Variants in NEMP2 observed in about 807,000 individuals in gnomAD.
The protein encoded by NEMP2 is UPF0571 transmembrane protein.
In NEMP2, 53 loss-of-function variants were observed where a neutral mutation model predicts 54.2. That is an observed-to-expected ratio of 0.98 (90% CI 0.78 to 1.23). NEMP2 has a LOEUF of 1.23. Among genes scored for constraint, NEMP2 ranks in the 50% most tolerant of loss-of-function variants. The pLI is 0.00. For synonymous variants in NEMP2, 197 were observed against 190.3 expected (o/e 1.04, Z -0.29); for missense variants, 455 against 511.3 (o/e 0.89, Z 1.06).
chr2:190,534,153 C>G (rs1297619415), intron 1 of NEMP2: 1 of 1,003,434 alleles, frequency 1.0e-6, no homozygotes, highest in Non-Finnish European at 1.2e-6. Context: ...AGTGAAATAA[C>G]AAGGATTTCA....
chr2:190,437,094 C>T, the NEMP2 span: 38 of 1,614,070 alleles, frequency 2.4e-5, no homozygotes, highest in Non-Finnish European at 3.0e-5. This position sits in a 1 kb window ranked among gnomAD's most constrained non-coding sequence, Gnocchi z 5.9. Context: ...AAGTGCTCAT[C>T]GATGGAAAGG....
At chr2:190,547,852 CT>C in the NEMP2 span, among the ~76,000 whole-genome samples, 1 of 151,902 alleles carries the variant, frequency 6.6e-6, no homozygotes, top group Non-Finnish European at 1.5e-5. This position sits in a 1 kb window ranked among gnomAD's most constrained non-coding sequence, Gnocchi z 6.2. Context: ...ACTTCTTATT[CT>C]TATAATAAAA....
At chr2:190,578,636 G>A in the NEMP2 span, among the ~76,000 whole-genome samples, 20 of 152,224 alleles carry the variant, frequency 1.3e-4, no homozygotes, top group East Asian at 2.3e-3. The surrounding 1 kb of genome is among the most constrained non-coding windows in gnomAD (Gnocchi z 4.4). Context: ...CTGCCTGGGC[G>A]TGTATCTGAG....
the NEMP2 span, among the ~76,000 whole-genome samples, chr2:190,576,663 T>G: frequency 2.0e-5 from 3 of 152,158 alleles, no homozygotes; most frequent in Non-Finnish European, 4.4e-5. Context: ...TCTCCACTTG[T>G]GCTGTGCTGA....
chr2:190,555,433 A>G, the NEMP2 span, among the ~76,000 whole-genome samples: 1 of 152,064 alleles, frequency 6.6e-6, no homozygotes, highest in South Asian at 2.1e-4. The surrounding 1 kb of genome is among the most constrained non-coding windows in gnomAD (Gnocchi z 4.8). Flanking sequence ...AAAAAAGGTT[A>G]GAAGAATTGC....
chr2:190,596,091 C>A, the NEMP2 span, among the ~76,000 whole-genome samples: 1 of 152,158 alleles, frequency 6.6e-6, no homozygotes, highest in Admixed American at 6.5e-5. The surrounding 1 kb of genome is among the most constrained non-coding windows in gnomAD (Gnocchi z 5.1). Context: ...GAGTTCATGT[C>A]TTTTGTAGGG....
rs1691223152 is a variant in NEMP2 at position 190,533,328 on chromosome 2, A to G, written c.97+1231T>C. Among the ~76,000 whole-genome samples the G allele has an allele frequency of 6.6e-6, 1 of 152,194 alleles. No homozygotes were observed. The highest frequency in any genetic ancestry group is 1.5e-5 in the Non-Finnish European group (1 of 68,034). ...CAGATTTGTGTTTTATTTTTTCACCAGCATAAAATTGTTGTATTTCTTACT... is the reference window on the plus strand; with the variant it reads ...CAGATTTGTGTTTTATTTTTTCACCGGCATAAAATTGTTGTATTTCTTACT... On this transcript the variant is annotated intron_variant, in intron 1 of 8. Coordinates refer to ENST00000409150, the MANE Select transcript of NEMP2 (RefSeq NM_001142645.2). This position sits in a 1 kb window ranked among gnomAD's most constrained non-coding sequence, Gnocchi z 4.3.
At chr2:190,552,195 C>A in the NEMP2 span, among the ~76,000 whole-genome samples, 2 of 152,176 alleles carry the variant, frequency 1.3e-5, no homozygotes, top group Non-Finnish European at 2.9e-5. Context: ...CAAAGTCTGT[C>A]AAGTTTCATT....
chr2:190,592,133 G>A, the NEMP2 span, among the ~76,000 whole-genome samples: 3 of 152,106 alleles, frequency 2.0e-5, no homozygotes, highest in African/African-American at 7.2e-5. This position sits in a 1 kb window ranked among gnomAD's most constrained non-coding sequence, Gnocchi z 4.4. Context: ...GGTGCAGGGG[G>A]GAAAAGTAAG....
At chr2:190,432,600 A>G in the NEMP2 span, among the ~76,000 whole-genome samples, 1 of 152,100 alleles carries the variant, frequency 6.6e-6, no homozygotes, top group Non-Finnish European at 1.5e-5. Flanking sequence ...TATTTTTAGT[A>G]GAGACAGGGT....
At chr2:190,560,971 G>A in the NEMP2 span, among the ~76,000 whole-genome samples, 1 of 152,174 alleles carries the variant, frequency 6.6e-6, no homozygotes, top group Non-Finnish European at 1.5e-5. This position sits in a 1 kb window ranked among gnomAD's most constrained non-coding sequence, Gnocchi z 5.4. Context: ...AACCATTTAT[G>A]TTTTGAGAAA....
the NEMP2 span, among the ~76,000 whole-genome samples, chr2:190,639,649 GTTTT>G: frequency 1.6e-5 from 2 of 128,124 alleles, no homozygotes; most frequent in Admixed American, 1.6e-4. Flanking sequence ...TTTTTTTTTT[GTTTT>G]TTGTTTTTGT....
At chr2:190,549,403 A>G in the NEMP2 span, among the ~76,000 whole-genome samples, 4 of 152,326 alleles carry the variant, frequency 2.6e-5, no homozygotes, top group South Asian at 4.1e-4. Context: ...TTATAAGGAA[A>G]TGGATCTCCT....
rs2125293150 is a variant in NEMP2 at position 190,504,557 on chromosome 2, T to C, written c.*4632A>G. ...TGAAGAGGATGGAAAAAAGTGATGA[T>C]GGTGACAATTCCATAAAGTGCAAAA... On this transcript the variant is annotated 3_prime_UTR_variant, in exon 9 of 9. Coordinates refer to ENST00000409150, the MANE Select transcript of NEMP2 (RefSeq NM_001142645.2). This position sits in a 1 kb window ranked among gnomAD's most constrained non-coding sequence, Gnocchi z 5.6. 1 of 152,304 alleles carries C rather than the reference T, an allele frequency of 6.6e-6. No individual in the cohort carries two copies. The highest frequency in any genetic ancestry group is 1.9e-4 in the East Asian group (1 of 5,186). The allele number at this position is 152,304 out of a possible 1,614,324, so 9.4% of individuals were successfully genotyped here.
At chr2:190,431,032 G>A in the NEMP2 span, among the ~76,000 whole-genome samples, 1 of 116,030 alleles carries the variant, frequency 8.6e-6, no homozygotes, top group Admixed American at 8.6e-5. This position sits in a 1 kb window ranked among gnomAD's most constrained non-coding sequence, Gnocchi z 4.4. Flanking sequence ...AGACGGGGTC[G>A]CGGCCGGGCA....
rs1009106046 is a variant in NEMP2 at position 190,519,674 on chromosome 2, T to C, written c.214-491A>G. ...ATCTGTATTTAGTCCAAACACACGC[T>C]GAACCACAGACATTATTGAAAGTGA... On this transcript the variant is annotated intron_variant, in intron 2 of 8. Coordinates refer to ENST00000409150, the MANE Select transcript of NEMP2 (RefSeq NM_001142645.2). The surrounding 1 kb of genome is among the most constrained non-coding windows in gnomAD (Gnocchi z 5.4). 6.6e-6 allele frequency among the ~76,000 whole-genome samples: 1 copy of C among 152,240 alleles called. No individual in the cohort carries two copies. Among genetic ancestry groups the C allele is most frequent in the Non-Finnish European group, 1.5e-5 (1 of 68,046 alleles).
At chr2:190,457,657 T>G in the NEMP2 span, among the ~76,000 whole-genome samples, 2 of 152,238 alleles carry the variant, frequency 1.3e-5, no homozygotes, top group South Asian at 4.1e-4. The surrounding 1 kb of genome is among the most constrained non-coding windows in gnomAD (Gnocchi z 5.1). Flanking sequence ...TGGCTGTTAT[T>G]GCTGAAATAT....
At chr2:190,516,203 A>T in intron 6 of NEMP2, 67 bp downstream of exon 6, 1 of 1,079,336 alleles carries the variant, frequency 9.3e-7, no homozygotes, top group Non-Finnish European at 1.3e-6. Context: ...ATCTATCAAA[A>T]GAAGGCCTCT....
chr2:190,565,030 G>C, the NEMP2 span, among the ~76,000 whole-genome samples: 3 of 152,150 alleles, frequency 2.0e-5, no homozygotes, highest in African/African-American at 2.4e-5. Context: ...AGAGAGTGGG[G>C]GTGAGGTACG....
Sources: allele counts gnomAD v4.1 joint callset (sites outside exome capture counted in the v4.1 genomes callset), GRCh38; gene constraint gnomAD v4.1.1; non-coding constraint Gnocchi (gnomAD v3.1); transcripts MANE v1.5; gene names NCBI Gene and HGNC (gene_info 2026-07-23, HGNC 2026-07-21).